Variants in HOMER2 observed in about 807,000 individuals in gnomAD.
HOMER2 encodes homer scaffold protein 2.
A neutral mutation model predicts 47.0 loss-of-function variants in HOMER2; 27 were observed. That is an observed-to-expected ratio of 0.57 (90% CI 0.42 to 0.79). The LOEUF (loss-of-function observed/expected upper bound fraction) is 0.79, where lower values mean the gene tolerates loss of function less well. HOMER2 is among the 30% of genes least tolerant of loss of function. HOMER2 has a pLI of 0.00. For synonymous variants in HOMER2, 161 were observed against 163.8 expected, an observed-to-expected ratio of 0.98 and a Z score of 0.13; for missense variants, 443 against 435.0, an observed-to-expected ratio of 1.02 and a Z score of -0.16.
chr15:82,893,198 A>G (rs1169086334), intron 1 of HOMER2, among the ~76,000 whole-genome samples: 1 of 152,118 alleles, frequency 6.6e-6, no homozygotes, highest in Admixed American at 6.6e-5. Flanking sequence ...TTCACTTTTT[A>G]GAATTTTTGT....
intron 7 of HOMER2, 66 bp from the exon 8 acceptor site, chr15:82,851,297 C>T: frequency 5.3e-6 from 6 of 1,127,314 alleles, no homozygotes; most frequent in Non-Finnish European, 7.9e-6. Flanking sequence ...TTGAAAATCA[C>T]CAATGTGTGC....
chr15:82,970,411 T>G (rs559815963), intron 1 of HOMER2, among the ~76,000 whole-genome samples: 1 of 152,344 alleles, frequency 6.6e-6, no homozygotes, highest in East Asian at 1.9e-4. Flanking sequence ...TAATCTTCCC[T>G]GAAAATGGAC....
chr15:82,933,249 T>A (rs928995015), intron 1 of HOMER2, among the ~76,000 whole-genome samples: 1 of 152,132 alleles, frequency 6.6e-6, no homozygotes, highest in African/African-American at 2.4e-5. Flanking sequence ...TTCCTTGAGA[T>A]GAGGTCTTGC....
At chr15:82,930,025 G>A (rs554518161) in intron 1 of HOMER2, among the ~76,000 whole-genome samples, 9 of 152,278 alleles carry the variant, frequency 5.9e-5, no homozygotes, top group Non-Finnish European at 1.2e-4. Flanking sequence ...CACCACGCCC[G>A]GCCTAACACA....
At chr15:82,984,093 C>T (rs1288099697) in intron 1 of HOMER2, among the ~76,000 whole-genome samples, 12 of 149,612 alleles carry the variant, frequency 8.0e-5, no homozygotes, top group Non-Finnish European at 1.5e-4. Flanking sequence ...AGTGCAGTGG[C>T]GCAATCTCTG....
At chr15:82,973,760 T>G (rs1223555484) in intron 1 of HOMER2, among the ~76,000 whole-genome samples, 8 of 152,202 alleles carry the variant, frequency 5.3e-5, no homozygotes, top group African/African-American at 1.7e-4. Flanking sequence ...TCAGGTCATC[T>G]GCATCCATCT....
At chr15:82,938,375 C>T (rs766383246) in intron 1 of HOMER2, among the ~76,000 whole-genome samples, 9 of 151,874 alleles carry the variant, frequency 5.9e-5, no homozygotes, top group African/African-American at 1.5e-4. Flanking sequence ...CACCGTCCCC[C>T]GCAAAAAAAG....
At chr15:82,868,633 C>T (rs2151054954) in intron 3 of HOMER2, among the ~76,000 whole-genome samples, 1 of 146,700 alleles carries the variant, frequency 6.8e-6, no homozygotes, top group East Asian at 2.0e-4. Flanking sequence ...ACTGCAACGT[C>T]CACCTCCCAG....
intron 1 of HOMER2, among the ~76,000 whole-genome samples, chr15:82,898,816 A>C (rs1283612263): frequency 1.3e-5 from 2 of 152,254 alleles, no homozygotes; most frequent in Admixed American, 1.3e-4. Context: ...CTTCACTTGC[A>C]ATGTTTAGCT....
intron 2 of HOMER2, among the ~76,000 whole-genome samples, chr15:82,890,433 C>T (rs973304603): frequency 6.6e-6 from 1 of 152,176 alleles, no homozygotes; most frequent in East Asian, 1.9e-4. Flanking sequence ...TCCAGCAGCA[C>T]CCCATGGCCT....
chr15:82,909,933 G>A (rs1255848444), intron 1 of HOMER2, among the ~76,000 whole-genome samples: 3 of 151,974 alleles, frequency 2.0e-5, no homozygotes, highest in African/African-American at 7.3e-5. Context: ...TCAGGAGTTT[G>A]AGACCAGCCT....
intron 1 of HOMER2, among the ~76,000 whole-genome samples, chr15:82,893,152 G>A (rs1365341688): frequency 2.0e-5 from 3 of 151,996 alleles, no homozygotes; most frequent in African/African-American, 7.2e-5. Context: ...TACTTTTTCT[G>A]ACATCCTGTT....
intron 1 of HOMER2, among the ~76,000 whole-genome samples, chr15:82,916,612 CAG>C (rs1383382219): frequency 6.6e-6 from 1 of 152,176 alleles, no homozygotes; most frequent in African/African-American, 2.4e-5. Flanking sequence ...CTGGACCAAA[CAG>C]AACAGGTGTG....
At chr15:82,932,810 C>T (rs1478463649) in intron 1 of HOMER2, among the ~76,000 whole-genome samples, 5 of 152,124 alleles carry the variant, frequency 3.3e-5, no homozygotes, top group Non-Finnish European at 5.9e-5. Flanking sequence ...AAGCTTTTGG[C>T]GGCATCACAG....
chr15:82,979,083 A>G (rs546151263), intron 1 of HOMER2, among the ~76,000 whole-genome samples: 2 of 152,268 alleles, frequency 1.3e-5, no homozygotes, highest in East Asian at 3.9e-4. Context: ...CTCTCCTGCC[A>G]CCATATAAAG....
chr15:82,875,948 T>C (rs1027772157), intron 2 of HOMER2, among the ~76,000 whole-genome samples: 22 of 152,118 alleles, frequency 1.4e-4, no homozygotes, highest in African/African-American at 5.1e-4. Context: ...TATACGGGTG[T>C]GAGTGGGGTA....
At chr15:82,979,190 T>C (rs999904434) in intron 1 of HOMER2, among the ~76,000 whole-genome samples, 2 of 152,208 alleles carry the variant, frequency 1.3e-5, no homozygotes, top group African/African-American at 2.4e-5. Context: ...CTTCCCTTTA[T>C]AAATTACCTA....
intron 1 of HOMER2, among the ~76,000 whole-genome samples, chr15:82,950,167 G>A (rs1949837724): frequency 6.6e-6 from 1 of 152,144 alleles, no homozygotes; most frequent in African/African-American, 2.4e-5. Context: ...TGAAAGGGAA[G>A]CCACGGGGTG....
At chr15:82,865,917 G>T (rs1254719031) in intron 3 of HOMER2, among the ~76,000 whole-genome samples, 1 of 152,210 alleles carries the variant, frequency 6.6e-6, no homozygotes, top group Non-Finnish European at 1.5e-5. Context: ...CTGCAGGGGT[G>T]GGGCTCTCAT....
Sources: gnomAD v4.1 joint callset for allele counts (sites outside exome capture counted in the v4.1 genomes callset) on GRCh38, gnomAD v4.1.1 for gene constraint, MANE v1.5 for transcripts, NCBI Gene and HGNC (gene_info 2026-07-23, HGNC 2026-07-21) for gene names.